MIPEP: variants seen among roughly 807,000 people sequenced by gnomAD.
MIPEP encodes the protein mitochondrial intermediate peptidase.
In MIPEP, 79 loss-of-function variants were observed where a neutral mutation model predicts 90.3. The observed-to-expected ratio is 0.87, with a 90% CI of 0.73 to 1.05. MIPEP has a LOEUF of 1.05. MIPEP is among the 50% of genes least tolerant of loss of function. The pLI is 0.00. For synonymous variants in MIPEP, 334 were observed against 315.8 expected (o/e 1.06, Z -0.61); for missense variants, 940 against 905.6 (o/e 1.04, Z -0.49).
intron 12 of MIPEP, 74 bp from the exon 13 acceptor site, chr13:23,837,830 A>G: frequency 8.3e-7 from 1 of 1,201,172 alleles, no homozygotes; most frequent in East Asian, 2.4e-5. Context: ...CTTAATGAAT[A>G]TAAAATTTCA....
intron 18 of MIPEP, among the ~76,000 whole-genome samples, chr13:23,745,643 C>A (rs1022779759): frequency 1.3e-5 from 2 of 152,128 alleles, no homozygotes; most frequent in African/African-American, 4.8e-5. Context: ...GAATCTAGAT[C>A]CAGACCAGGT....
chr13:23,753,238 A>AAT (rs1555231234), intron 18 of MIPEP, among the ~76,000 whole-genome samples: 120 of 143,212 alleles, frequency 8.4e-4, no homozygotes, highest in Admixed American at 2.1e-3. Context: ...AAAAAAAAAA[A>AAT]AATAATAATA....
chr13:23,731,718 A>G (rs1055541512), intron 18 of MIPEP, among the ~76,000 whole-genome samples: 1 of 152,190 alleles, frequency 6.6e-6, no homozygotes, highest in African/African-American at 2.4e-5. Context: ...AATACTCACA[A>G]AACATATCTC....
Position 23,730,445 on chromosome 13 carries a change from C to T in MIPEP, c.2045G>A (p.Gly682Asp), listed in dbSNP as rs150308123. ...AACAGAAGGACACTTCTGAAGCATA[C>T]CTGCAAACAAAGGAAAGGTCAGAAC... The part of the protein sequence containing the change: ...GGREPMLMVE[G>D]MLQKCPSVDD... Residue 682 changes from glycine to aspartate, a missense_variant and splice_region_variant, in exon 19 of 19, where the codon GGT becomes GAT. Gly to Asp is a moderately conservative substitution (Grantham distance 94). Transcript: ENST00000382172. 7.6e-4 allele frequency: 1,222 copies of T among 1,607,416 alleles called. No homozygotes were observed. The highest frequency in any genetic ancestry group is 9.4e-4 in the Non-Finnish European group (1,108 of 1,175,402).
At chr13:23,739,677 C>G (rs1179527420) in intron 18 of MIPEP, among the ~76,000 whole-genome samples, 1 of 152,208 alleles carries the variant, frequency 6.6e-6, no homozygotes, top group Admixed American at 6.5e-5. Context: ...ATGGACCTCT[C>G]CCATCATTAG....
chr13:23,884,984 A>T (rs1358157315), intron 2 of MIPEP, among the ~76,000 whole-genome samples: 1 of 152,196 alleles, frequency 6.6e-6, no homozygotes, highest in Non-Finnish European at 1.5e-5. Flanking sequence ...GAGTATATCG[A>T]AGAGATATCT....
intron 14 of MIPEP, among the ~76,000 whole-genome samples, chr13:23,815,598 T>G (rs994418852): frequency 1.3e-4 from 20 of 152,236 alleles, no homozygotes; most frequent in African/African-American, 4.3e-4. Flanking sequence ...CGTGAGCCAC[T>G]GTGCCAGGCC....
chr13:23,843,030 G>A (rs1869369107), intron 10 of MIPEP, among the ~76,000 whole-genome samples: 1 of 149,896 alleles, frequency 6.7e-6, no homozygotes, highest in Non-Finnish European at 1.5e-5. Context: ...CCAGGAGGCG[G>A]AGGTTGAGTG....
intron 16 of MIPEP, among the ~76,000 whole-genome samples, chr13:23,796,723 G>T (rs1198928872): frequency 2.6e-5 from 4 of 152,104 alleles, no homozygotes; most frequent in African/African-American, 9.7e-5. Context: ...AGTTAATCCG[G>T]ATGAGCACAC....
intron 10 of MIPEP, among the ~76,000 whole-genome samples, chr13:23,856,901 T>C (rs1593194010): frequency 2.0e-5 from 3 of 152,264 alleles, no homozygotes; most frequent in African/African-American, 7.2e-5. Context: ...AAGGAATACC[T>C]GATAAAAATG....
At chr13:23,846,224 G>A (rs553254832) in intron 10 of MIPEP, among the ~76,000 whole-genome samples, 1 of 152,278 alleles carries the variant, frequency 6.6e-6, no homozygotes, top group Admixed American at 6.5e-5. Context: ...GCACCAGAGA[G>A]GAGAAGAATA....
chr13:23,885,443 G>A (rs1452852312), intron 2 of MIPEP, among the ~76,000 whole-genome samples: 5 of 152,156 alleles, frequency 3.3e-5, no homozygotes, highest in African/African-American at 9.7e-5. Flanking sequence ...AACCAGAAGA[G>A]TATAATTGGA....
In MIPEP at chr13:23,762,861, G is replaced by C. The variant is rs779518270; in HGVS notation, c.1849-2644C>G. 5.1e-4 allele frequency among the ~76,000 whole-genome samples: 77 copies of C among 152,210 alleles called. 1 individual carries two copies. Among genetic ancestry groups the C allele is most frequent in the Admixed American group, 2.0e-4 (3 of 15,272 alleles). The stretch of plus-strand genomic sequence containing the variant: ...CAACAGCGGGGCTGAGGCTGCTGGA[G>C]GTGCAACAGATGCCATGCCCTTGGT... On this transcript the variant is annotated intron_variant, in intron 16 of 18. Coordinates refer to ENST00000382172, the MANE Select transcript of MIPEP (RefSeq NM_005932.4).
At chr13:23,823,366 C>A (rs1953331562) in intron 14 of MIPEP, among the ~76,000 whole-genome samples, 2 of 152,130 alleles carry the variant, frequency 1.3e-5, no homozygotes, top group South Asian at 4.1e-4. Flanking sequence ...AGTTAATGAA[C>A]TTCTAAAATG....
rs9510840 is a variant in MIPEP, at chr13:23,747,766, G to A, written c.2044+8779C>T. Reference sequence around the variant, plus strand: ...TTTGTTGTTGTTGTTGTTGAGACGGGGTCTCGCTCTGTTGCCCGCACTGGA... The same window carrying A: ...TTTGTTGTTGTTGTTGTTGAGACGGAGTCTCGCTCTGTTGCCCGCACTGGA... On this transcript the variant is annotated intron_variant, in intron 18 of 18. Coordinates refer to ENST00000382172, the MANE Select transcript of MIPEP (RefSeq NM_005932.4). 4.0e-4 allele frequency among the ~76,000 whole-genome samples: 61 copies of A among 152,082 alleles called. 1 individual carries two copies. Among genetic ancestry groups the A allele is most frequent in the Admixed American group, 3.7e-3 (56 of 15,284 alleles).
At position 23,867,939 on chromosome 13, in the gene MIPEP, A is replaced by T. The variant is rs545146885; in HGVS notation, c.943+1353T>A. ...TGATATTCTAATATTATTATTTTAT[A>T]TAAATATAAAATAAAAATATGGTAC... On this transcript the variant is annotated intron_variant, in intron 7 of 18. Coordinates refer to ENST00000382172, the MANE Select transcript of MIPEP (RefSeq NM_005932.4). 6.4e-3 allele frequency among the ~76,000 whole-genome samples: 951 copies of T among 147,804 alleles called. 16 individuals carry two copies. The highest frequency in any genetic ancestry group is 0.023 in the African/African-American group (925 of 40,360).
intron 16 of MIPEP, among the ~76,000 whole-genome samples, chr13:23,800,461 G>A (rs58038056): frequency 0.018 from 2,684 of 152,274 alleles, 86 homozygotes; most frequent in African/African-American, 0.061. Context: ...GAAGAGAAGT[G>A]GTAACAGCAG....
chr13:23,878,547 AG>A, intron 4 of MIPEP, among the ~76,000 whole-genome samples: 1 of 152,374 alleles, frequency 6.6e-6, no homozygotes, highest in East Asian at 1.9e-4. Context: ...GTAGATAAAC[AG>A]GAACAAACAA....
At chr13:23,800,422 CACA>C (rs776142562) in intron 16 of MIPEP, among the ~76,000 whole-genome samples, 3 of 152,086 alleles carry the variant, frequency 2.0e-5, no homozygotes, top group Admixed American at 6.5e-5. Context: ...ATATAAAAAA[CACA>C]ACAACACAAC....
Sources: allele counts gnomAD v4.1 joint callset (sites outside exome capture counted in the v4.1 genomes callset), GRCh38; gene constraint gnomAD v4.1.1; transcripts MANE v1.5; gene names NCBI Gene and HGNC (gene_info 2026-07-23, HGNC 2026-07-21).